PCP4: variants seen among roughly 807,000 people sequenced by gnomAD.
PCP4 encodes the protein calmodulin regulator protein PCP4.
In PCP4, 8 loss-of-function variants were observed where a neutral mutation model predicts 10.0. The ratio of observed to expected loss-of-function variants is 0.80; its 90% CI spans 0.47 to 1.45. PCP4 has a LOEUF of 1.45. PCP4 is among the 40% of genes most tolerant of loss of function. The probability of loss-of-function intolerance (pLI) is 0.00; values close to 1 mark genes in which losing one functional copy is unlikely to be tolerated. For missense variants in PCP4, 54 were observed against 74.4 expected (o/e 0.73, Z 1.01); for synonymous variants, 21 against 23.0 (o/e 0.91, Z 0.24).
At chr21:39,895,687 T>C (rs1217524945) in intron 1 of PCP4, among the ~76,000 whole-genome samples, 1 of 152,236 alleles carries the variant, frequency 6.6e-6, no homozygotes, top group African/African-American at 2.4e-5. Flanking sequence ...CCATCAGGGA[T>C]GCTGTCAGAA....
At chr21:39,891,932 T>C (rs1481246456) in intron 1 of PCP4, among the ~76,000 whole-genome samples, 5 of 151,938 alleles carry the variant, frequency 3.3e-5, no homozygotes, top group African/African-American at 4.8e-5. Flanking sequence ...GGACAAGGAG[T>C]GTGACCATTG....
intron 1 of PCP4, among the ~76,000 whole-genome samples, chr21:39,896,685 A>T (rs1338474949): frequency 6.6e-6 from 1 of 152,178 alleles, no homozygotes; most frequent in Admixed American, 6.5e-5. Flanking sequence ...TTGTTAATAT[A>T]AATCTGGATC....
At chr21:39,917,478 G>T (rs2087574818) in intron 2 of PCP4, among the ~76,000 whole-genome samples, 2 of 152,228 alleles carry the variant, frequency 1.3e-5, no homozygotes, top group South Asian at 4.1e-4. Context: ...GGTAGAGGGA[G>T]AAGCTGGAAG....
chr21:39,903,874 AAC>A (rs1341458844), intron 2 of PCP4, among the ~76,000 whole-genome samples: 10 of 128,038 alleles, frequency 7.8e-5, no homozygotes, highest in African/African-American at 2.1e-4. Context: ...TCTCAAAAAA[AAC>A]AAAAAAAAAA....
chr21:39,871,642 T>C (rs1369280558), intron 1 of PCP4, among the ~76,000 whole-genome samples: 1 of 152,224 alleles, frequency 6.6e-6, no homozygotes, highest in Non-Finnish European at 1.5e-5. Flanking sequence ...GTCCACATAG[T>C]CACCAGTTAC....
chr21:39,912,258 G>C (rs1216993905), intron 2 of PCP4, among the ~76,000 whole-genome samples: 1 of 151,270 alleles, frequency 6.6e-6, no homozygotes, highest in Non-Finnish European at 1.5e-5. Flanking sequence ...TACTACCTCT[G>C]CTGATAATTA....
At chr21:39,905,253 GA>G (rs56194710) in intron 2 of PCP4, among the ~76,000 whole-genome samples, 10,530 of 147,898 alleles carry the variant, frequency 0.071, 569 homozygotes, top group African/African-American at 0.15. Context: ...GAAGAAATCA[GA>G]AAAAAAAAAA....
chr21:39,878,352 C>T (rs145051844), intron 1 of PCP4, among the ~76,000 whole-genome samples: 35 of 152,124 alleles, frequency 2.3e-4, no homozygotes, highest in Admixed American at 8.5e-4. Context: ...TAGCACTCTG[C>T]GAATCTTAAA....
chr21:39,876,407 G>A (rs781705661), intron 1 of PCP4, among the ~76,000 whole-genome samples: 11 of 152,164 alleles, frequency 7.2e-5, no homozygotes, highest in Non-Finnish European at 1.3e-4. Flanking sequence ...TTAGCATAAT[G>A]TCTTCAAGGT....
chr21:39,926,137 C>A (rs955321625), intron 2 of PCP4: 2 of 451,926 alleles, frequency 4.4e-6, no homozygotes, highest in Non-Finnish European at 8.9e-6. Flanking sequence ...ACCTTCCCCG[C>A]CGCCCCGGGA....
chr21:39,917,409 CG>C (rs1438857943), intron 2 of PCP4, among the ~76,000 whole-genome samples: 1 of 152,182 alleles, frequency 6.6e-6, no homozygotes, highest in Non-Finnish European at 1.5e-5. Flanking sequence ...CTCACCTGTG[CG>C]GCAGACTTCC....
chr21:39,901,243 T>C lies in PCP4; in HGVS notation c.61+2716T>C, dbSNP rs182490552. Among the ~76,000 whole-genome samples the C allele has an allele frequency of 3.3e-5, 5 of 152,326 alleles. 1 individual carries two copies. The highest frequency in any genetic ancestry group is 9.6e-5 in the African/African-American group (4 of 41,570). Reference sequence around the variant, plus strand: ...ACTCTTACCTTTTATAATAATAATATCTTTTATAAGACCAAAAATGTTTTT... The same window carrying C: ...ACTCTTACCTTTTATAATAATAATACCTTTTATAAGACCAAAAATGTTTTT... On this transcript the variant is annotated intron_variant, in intron 2 of 2. Transcript: ENST00000328619.
Position 39,906,700 on chromosome 21 carries a change from C to A in PCP4, c.61+8173C>A, listed in dbSNP as rs907529253. Among the ~76,000 whole-genome samples the A allele has an allele frequency of 3.3e-5, 5 of 151,970 alleles. No individual in the cohort carries two copies. The highest frequency in any genetic ancestry group is 4.8e-5 in the African/African-American group (2 of 41,378). ...AGATCAGCTGAAATAGAATTTCATT[C>A]CACATCATACAGAGAAAGCTTATAC... On this transcript the variant is annotated intron_variant, in intron 2 of 2. Transcript: ENST00000328619. This position sits in a 1 kb window ranked among gnomAD's most constrained non-coding sequence, Gnocchi z 6.3.
chr21:39,896,834 A>G (rs959132099), intron 1 of PCP4, among the ~76,000 whole-genome samples: 2 of 152,100 alleles, frequency 1.3e-5, no homozygotes, highest in African/African-American at 4.8e-5. Flanking sequence ...ACTGATTGTT[A>G]TTTTTCTGAT....
chr21:39,929,003 A>C lies in PCP4; in HGVS notation c.81A>C (p.Gln27His), dbSNP rs754766867. The change falls in exon 3 of 3, where the codon CAA becomes CAC. Residue 27 changes from glutamine (Q) to histidine (H), a missense_variant. Transcript: ENST00000328619. ...SGENDGQKKVQEEFDIDMDAP... is the reference protein window; with the variant it reads ...SGENDGQKKVHEEFDIDMDAP... ...CTACAGATGGACAGAAGAAAGTTCA[A>C]GAAGAATTTGACATTGACATGGATG... 17 of 1,613,148 alleles carry C rather than the reference A, an allele frequency of 1.1e-5. No homozygotes were observed. In the South Asian group the frequency reaches 1.9e-4, roughly 18 times the overall value.
chr21:39,895,750 G>T (rs2087453998), intron 1 of PCP4, among the ~76,000 whole-genome samples: 1 of 152,186 alleles, frequency 6.6e-6, no homozygotes, highest in Non-Finnish European at 1.5e-5. Flanking sequence ...CCAGCAGCAT[G>T]AACCATGATT....
chr21:39,913,921 G>A (rs567463493), intron 2 of PCP4, among the ~76,000 whole-genome samples: 1 of 152,054 alleles, frequency 6.6e-6, no homozygotes, highest in Non-Finnish European at 1.5e-5. Flanking sequence ...AGCCAGGGCG[G>A]GAAGTGCCCC....
chr21:39,898,045 CAAAAAA>C (rs780273912), intron 1 of PCP4, among the ~76,000 whole-genome samples: 1 of 74,054 alleles, frequency 1.4e-5, no homozygotes, highest in African/African-American at 4.9e-5. Context: ...GACTCAGTCT[CAAAAAA>C]AAAAAAAAAA....
intron 2 of PCP4, among the ~76,000 whole-genome samples, chr21:39,902,100 A>G (rs2087484658): frequency 6.6e-6 from 1 of 152,208 alleles, no homozygotes; most frequent in Non-Finnish European, 1.5e-5. Context: ...GAGATCTATT[A>G]TGTTAATGTA....
Sources: gnomAD v4.1 joint callset for allele counts (sites outside exome capture counted in the v4.1 genomes callset) on GRCh38, gnomAD v4.1.1 for gene constraint, Gnocchi (gnomAD v3.1) non-coding constraint, MANE v1.5 for transcripts, NCBI Gene and HGNC (gene_info 2026-07-23, HGNC 2026-07-21) for gene names.